Variants in CAPZA2 observed in about 807,000 individuals in gnomAD.
CAPZA2 encodes capping actin protein of muscle Z-line subunit alpha 2.
Under a neutral mutation model 44.0 loss-of-function variants are expected in CAPZA2, and 13 were observed. The ratio of observed to expected loss-of-function variants is 0.30; its 90% confidence interval spans 0.19 to 0.47. CAPZA2 has a LOEUF of 0.47. Among genes scored for constraint, CAPZA2 ranks in the 20% least tolerant of loss-of-function variants. CAPZA2 has a pLI of 1.00. For synonymous variants in CAPZA2, 94 were observed against 108.2 expected, an observed-to-expected ratio of 0.87 and a Z score of 0.81; for missense variants, 244 against 338.6, an observed-to-expected ratio of 0.72 and a Z score of 2.19.
Position 116,906,461 on chromosome 7 carries a change from T to C in CAPZA2, c.506+119T>C, listed in dbSNP as rs180868967. On this transcript the variant is annotated intron_variant, in intron 6 of 9. Coordinates refer to ENST00000361183, the MANE Select transcript of CAPZA2 (RefSeq NM_006136.3). ...ATGATTAAGAACAATTTAGAGATGGTATAAAATTTTAGCCTTTTGATATAA... is the reference window on the plus strand; with the variant it reads ...ATGATTAAGAACAATTTAGAGATGGCATAAAATTTTAGCCTTTTGATATAA... 40 of 1,425,426 alleles carry C rather than the reference T, an allele frequency of 2.8e-5. No homozygotes were observed. The Admixed American group carries it at 3.1e-4, about 11-fold the overall frequency. 88.3% of individuals were successfully genotyped at this position (1,425,426 alleles called of 1,614,324 possible). A position where few individuals can be genotyped will look rare whatever the true frequency, so the allele number is the denominator to read the frequency against.
intron 1 of CAPZA2, among the ~76,000 whole-genome samples, chr7:116,871,896 G>A (rs1022713145): frequency 1.3e-5 from 2 of 152,108 alleles, no homozygotes; most frequent in Non-Finnish European, 2.9e-5. Flanking sequence ...TTCAACTCTG[G>A]CTGCACATTA....
intron 1 of CAPZA2, among the ~76,000 whole-genome samples, chr7:116,883,866 T>C (rs1355504355): frequency 6.6e-6 from 1 of 152,232 alleles, no homozygotes; most frequent in Non-Finnish European, 1.5e-5. Flanking sequence ...GTGTGCTGCT[T>C]GCTATCAGGA....
At position 116,917,754 on chromosome 7, in the gene CAPZA2, A is replaced by G; in HGVS notation, c.748A>G (p.Met250Val). The G allele has an allele frequency of 1.2e-6, 2 of 1,608,676 alleles. No individual in the cohort carries two copies. The highest frequency in any genetic ancestry group is 1.7e-6 in the Non-Finnish European group (2 of 1,175,024). Residue 250 changes from methionine (M) to valine (V), a missense_variant, in exon 10 of 10, where the codon ATG (methionine) becomes GTG (valine). Coordinates refer to ENST00000361183, the MANE Select transcript of CAPZA2 (RefSeq NM_006136.3). ...QTAISENYQT[M>V]SDTTFKALRR... Reference sequence around the variant, plus strand: ...TGCCATCAGTGAGAATTATCAGACAATGTCGGACACTACTTTCAAAGCCTT... The same window carrying G: ...TGCCATCAGTGAGAATTATCAGACAGTGTCGGACACTACTTTCAAAGCCTT...
intron 1 of CAPZA2, among the ~76,000 whole-genome samples, chr7:116,866,943 T>C (rs143973404): frequency 3.3e-5 from 5 of 152,204 alleles, no homozygotes; most frequent in African/African-American, 1.2e-4. Context: ...GGGTATAATC[T>C]ACTCTTGATA....
chr7:116,888,926 C>G (rs192109364), intron 2 of CAPZA2, among the ~76,000 whole-genome samples: 56 of 152,218 alleles, frequency 3.7e-4, no homozygotes, highest in Admixed American at 9.8e-4. Flanking sequence ...TAAAGAAAAT[C>G]CTATGAGATC....
At chr7:116,867,393 A>C (rs527355942) in intron 1 of CAPZA2, among the ~76,000 whole-genome samples, 1 of 151,914 alleles carries the variant, frequency 6.6e-6, no homozygotes, top group African/African-American at 2.4e-5. Flanking sequence ...TCATTTCTCT[A>C]CTCTCAAAAT....
intron 1 of CAPZA2, 54 bp downstream of exon 1, chr7:116,862,704 C>A (rs890031735): frequency 8.7e-6 from 13 of 1,493,676 alleles, no homozygotes; most frequent in Non-Finnish European, 1.2e-5. Context: ...TCAGCCCGGG[C>A]GGGTGGGCCC....
At chr7:116,911,700 G>A (rs1344195348) in intron 7 of CAPZA2, among the ~76,000 whole-genome samples, 15 of 152,198 alleles carry the variant, frequency 9.9e-5, no homozygotes, top group Admixed American at 9.8e-4. Context: ...ATTCATGTCT[G>A]AGTTTGGGGA....
intron 6 of CAPZA2, among the ~76,000 whole-genome samples, chr7:116,908,301 A>G (rs959246063): frequency 6.6e-6 from 1 of 152,142 alleles, no homozygotes; most frequent in African/African-American, 2.4e-5. Context: ...TTCATCTAAA[A>G]TATAGGTAGA....
chr7:116,906,555 G>A (rs1234905215), intron 6 of CAPZA2: 1 of 789,688 alleles, frequency 1.3e-6, no homozygotes, highest in South Asian at 2.5e-5. Context: ...TCAGTGGAAA[G>A]AGTATGGGAC....
intron 8 of CAPZA2, among the ~76,000 whole-genome samples, chr7:116,914,432 T>TACACACACACACAC (rs71148345): frequency 9.0e-5 from 13 of 145,230 alleles, no homozygotes; most frequent in Middle Eastern, 7.0e-3. Context: ...TATACATACA[T>TACACACACACACAC]ACACACACAC....
intron 2 of CAPZA2, among the ~76,000 whole-genome samples, chr7:116,890,423 C>T (rs867645393): frequency 6.8e-6 from 1 of 147,332 alleles, no homozygotes; most frequent in Non-Finnish European, 1.5e-5. Context: ...ATAATGCCAG[C>T]GCTTTGGGAG....
intron 5 of CAPZA2, 87 bp from the exon 6 acceptor site, chr7:116,906,176 T>C: frequency 6.5e-7 from 1 of 1,534,848 alleles, no homozygotes; most frequent in Non-Finnish European, 8.7e-7. Context: ...CAAAGTACTG[T>C]ACAATTTGCA....
At chr7:116,912,560 G>A (rs1358309305) in intron 8 of CAPZA2, among the ~76,000 whole-genome samples, 1 of 152,092 alleles carries the variant, frequency 6.6e-6, no homozygotes, top group Non-Finnish European at 1.5e-5. Context: ...GCTTGTGCTG[G>A]ACATTTGATA....
chr7:116,877,211 A>G (rs1796633732), intron 1 of CAPZA2, among the ~76,000 whole-genome samples: 1 of 152,258 alleles, frequency 6.6e-6, no homozygotes, highest in Non-Finnish European at 1.5e-5. Context: ...CTAGCCAGTT[A>G]TCAAAGGTAT....
chr7:116,897,890 A>G (rs552570360), intron 3 of CAPZA2, among the ~76,000 whole-genome samples: 3 of 151,660 alleles, frequency 2.0e-5, no homozygotes, highest in Non-Finnish European at 4.4e-5. Context: ...TGCCCAATTC[A>G]TCATCTACAC....
In CAPZA2 at chr7:116,910,311, G is replaced by C. The variant is rs962440497; in HGVS notation, c.585G>C (p.Gln195His). The C allele has an allele frequency of 6.7e-7, 1 of 1,500,734 alleles. No individual in the cohort carries two copies. The highest frequency in any genetic ancestry group is 9.3e-7 in the Non-Finnish European group (1 of 1,076,914). The allele number at this position is 1,500,734 out of a possible 1,614,324, so 93.0% of individuals were successfully genotyped here. A position where few individuals can be genotyped will look rare whatever the true frequency, so the allele number is the denominator to read the frequency against. Reference sequence around the variant, plus strand: ...AAGTGGTTGGCATCTTGAAAATTCAGGTATGAAAAATAATTTGTTTACTGA... The same window carrying C: ...AAGTGGTTGGCATCTTGAAAATTCACGTATGAAAAATAATTTGTTTACTGA... ...TTQVVGILKI[Q>H]VHYYEDGNVQ... Residue 195 changes from glutamine to histidine, a missense_variant and splice_region_variant, in exon 7 of 10, where the codon CAG (glutamine) becomes CAC (histidine). Gln to His is a conservative substitution (Grantham distance 24, BLOSUM62 0). Transcript: ENST00000361183.
chr7:116,864,759 C>T (rs1237055884), intron 1 of CAPZA2, among the ~76,000 whole-genome samples: 3 of 152,044 alleles, frequency 2.0e-5, no homozygotes, highest in African/African-American at 7.2e-5. Context: ...AGCTCTTAAG[C>T]TGGGCACGGT....
rs184190916 is a variant in CAPZA2, at chr7:116,908,275, A to G, written c.506+1933A>G. On this transcript the variant is annotated intron_variant, in intron 6 of 9. Coordinates refer to ENST00000361183, the MANE Select transcript of CAPZA2 (RefSeq NM_006136.3). ...GACCCTATCTCTAGAAGAAAAAAAA[A>G]AGAAATATACTTCAGTTCATCTAAA... 2.0e-5 allele frequency among the ~76,000 whole-genome samples: 3 copies of G among 152,236 alleles called. No homozygotes were observed. In the East Asian group the frequency reaches 5.8e-4, roughly 29 times the overall value.
Sources: gnomAD v4.1 joint callset for allele counts (sites outside exome capture counted in the v4.1 genomes callset) on GRCh38, gnomAD v4.1.1 for gene constraint, MANE v1.5 for transcripts, NCBI Gene and HGNC (gene_info 2026-07-23, HGNC 2026-07-21) for gene names.